BASP1: variants seen among roughly 807,000 people sequenced by gnomAD.
The protein encoded by BASP1 is brain abundant membrane attached signal protein 1, also known as brain acid soluble protein 1.
Under a neutral mutation model 2.2 loss-of-function variants are expected in BASP1, and 1 was observed. That is an observed-to-expected ratio of 0.46 (90% confidence interval 0.16 to 2.17). The LOEUF is 2.17. Ranked by LOEUF, BASP1 falls within the 30% of genes most tolerant of loss-of-function variation. BASP1 has a pLI of 0.27. For synonymous variants in BASP1, 187 were observed against 154.2 expected (o/e 1.21, Z -1.58); for missense variants, 352 against 327.2 (o/e 1.08, Z -0.58).
At chr5:17,220,427 A>C (rs1386330793) in intron 1 of BASP1, among the ~76,000 whole-genome samples, 1 of 151,602 alleles carries the variant, frequency 6.6e-6, no homozygotes, top group Non-Finnish European at 1.5e-5. Context: ...GCATGTCCCC[A>C]ATTCAGTAAA....
At chr5:17,217,071 T>TGTGAGTGAGAGAGA (rs1367601986), upstream of BASP1, 3 of 102,028 alleles carry the variant, frequency 2.9e-5, no homozygotes, top group African/African-American at 1.3e-4. Context: ...AGAGAGAGAG[T>TGTGAGTGAGAGAGA]GAGAGAGAGA....
intron 1 of BASP1, among the ~76,000 whole-genome samples, chr5:17,249,458 A>G (rs1310393559): frequency 1.3e-5 from 2 of 152,166 alleles, no homozygotes; most frequent in African/African-American, 4.8e-5. Context: ...CTGGTGAGGA[A>G]TTTCAGAAGC....
At chr5:17,259,935 G>T (rs1740283930) in intron 1 of BASP1, among the ~76,000 whole-genome samples, 1 of 152,166 alleles carries the variant, frequency 6.6e-6, no homozygotes, top group Non-Finnish European at 1.5e-5. Flanking sequence ...TAGTTGTGGT[G>T]ATATGATCTA....
intron 1 of BASP1, among the ~76,000 whole-genome samples, chr5:17,254,619 C>T (rs1740164230): frequency 6.6e-6 from 1 of 152,152 alleles, no homozygotes; most frequent in Non-Finnish European, 1.5e-5. Flanking sequence ...CATCATGGTG[C>T]TCAATACAGT....
rs1184060402 is a variant in BASP1 at position 17,236,251 on chromosome 5, T to C, written c.-10+18441T>C. Reference sequence around the variant, plus strand: ...ATTTGTAGGGATCTTGGGCAGGTTATCCAGAGAGCGAGTTTCTTTTCTTTT... The same window carrying C: ...ATTTGTAGGGATCTTGGGCAGGTTACCCAGAGAGCGAGTTTCTTTTCTTTT... On this transcript the variant is annotated intron_variant, in intron 1 of 1. Coordinates refer to ENST00000322611, the MANE Select transcript of BASP1 (RefSeq NM_006317.5). This position sits in a 1 kb window ranked among gnomAD's most constrained non-coding sequence, Gnocchi z 4.0. Among the ~76,000 whole-genome samples, 1 of 152,142 alleles carries C rather than the reference T, an allele frequency of 6.6e-6. No individual in the cohort carries two copies. Among genetic ancestry groups the C allele is most frequent in the African/African-American group, 2.4e-5 (1 of 41,434 alleles).
chr5:17,250,229 G>GAGCCACC (rs1317622770), intron 1 of BASP1, among the ~76,000 whole-genome samples: 1 of 152,172 alleles, frequency 6.6e-6, no homozygotes, highest in Non-Finnish European at 1.5e-5. Flanking sequence ...TGATAGGCGT[G>GAGCCACC]AGCCACCGCG....
At chr5:17,232,194 T>C (rs1358519497) in intron 1 of BASP1, among the ~76,000 whole-genome samples, 2 of 152,214 alleles carry the variant, frequency 1.3e-5, no homozygotes, top group African/African-American at 4.8e-5. Flanking sequence ...CAAATAGTAT[T>C]ACATTGTGGG....
chr5:17,221,090 A>G (rs1185600925), intron 1 of BASP1, among the ~76,000 whole-genome samples: 1 of 152,202 alleles, frequency 6.6e-6, no homozygotes, highest in African/African-American at 2.4e-5. Flanking sequence ...GTTGGTATAG[A>G]ATATTATTTT....
intron 1 of BASP1, among the ~76,000 whole-genome samples, chr5:17,250,325 A>C: frequency 6.6e-6 from 1 of 152,220 alleles, no homozygotes; most frequent in East Asian, 1.9e-4. Context: ...CTTCGTAAAA[A>C]GTGTGTTCTT....
At chr5:17,220,995 A>G (rs899858587) in intron 1 of BASP1, among the ~76,000 whole-genome samples, 2 of 152,124 alleles carry the variant, frequency 1.3e-5, no homozygotes, top group African/African-American at 4.8e-5. Flanking sequence ...TTTAAAAACA[A>G]GGTGTCATGT....
At chr5:17,226,050 C>G (rs1010162305) in intron 1 of BASP1, among the ~76,000 whole-genome samples, 1 of 152,144 alleles carries the variant, frequency 6.6e-6, no homozygotes, top group Non-Finnish European at 1.5e-5. Flanking sequence ...TTTGATGAGA[C>G]ACAATTTTAA....
intron 1 of BASP1, among the ~76,000 whole-genome samples, chr5:17,262,254 C>A (rs917258015): frequency 2.0e-5 from 3 of 152,246 alleles, no homozygotes; most frequent in African/African-American, 7.2e-5. Flanking sequence ...ATAATCTCAA[C>A]TGGACATTTC....
At chr5:17,228,825 C>T (rs7733967) in intron 1 of BASP1, among the ~76,000 whole-genome samples, 61,316 of 152,040 alleles carry the variant, frequency 0.4, 12,908 homozygotes, top group Non-Finnish European at 0.47. Context: ...ACGACTAAAG[C>T]GGGATTCTTT....
intron 1 of BASP1, among the ~76,000 whole-genome samples, chr5:17,252,431 A>G (rs1740121116): frequency 1.3e-5 from 2 of 152,198 alleles, no homozygotes; most frequent in Non-Finnish European, 1.5e-5. Context: ...GTGTAAAAAC[A>G]GGCTCAGAGG....
intron 1 of BASP1, among the ~76,000 whole-genome samples, chr5:17,257,452 A>G (rs971214754): frequency 1.2e-4 from 19 of 152,190 alleles, no homozygotes; most frequent in Non-Finnish European, 2.6e-4. Flanking sequence ...TTCTACATGA[A>G]TGGAGCTGGG....
Position 17,276,291 on chromosome 5 carries a change from C to T in BASP1, c.*391C>T, listed in dbSNP as rs1187646320. ...TGAGAGTTGAATAGCTTTTCTTCTGCAATGGGAGTTGGGAGTGATGCGTTT... is the reference window on the plus strand; with the variant it reads ...TGAGAGTTGAATAGCTTTTCTTCTGTAATGGGAGTTGGGAGTGATGCGTTT... On this transcript the variant is annotated 3_prime_UTR_variant, in exon 2 of 2. Coordinates refer to ENST00000322611, the MANE Select transcript of BASP1 (RefSeq NM_006317.5). 5.6e-6 allele frequency: 1 copy of T among 177,072 alleles called. No homozygotes were observed. The highest frequency in any genetic ancestry group is 1.3e-5 in the Non-Finnish European group (1 of 74,970). The allele number at this position is 177,072 out of a possible 1,614,324, so 11.0% of individuals were successfully genotyped here.
intron 1 of BASP1, among the ~76,000 whole-genome samples, chr5:17,248,037 T>G (rs1740029669): frequency 6.6e-6 from 1 of 152,210 alleles, no homozygotes; most frequent in Non-Finnish European, 1.5e-5. Flanking sequence ...CTCAGTTGCT[T>G]GTCATCATTT....
At chr5:17,255,397 G>GTT (rs1007533162) in intron 1 of BASP1, among the ~76,000 whole-genome samples, 2 of 151,502 alleles carry the variant, frequency 1.3e-5, no homozygotes, top group Non-Finnish European at 2.9e-5. Flanking sequence ...AGTTCACTAG[G>GTT]TTTTTTTTTC....
chr5:17,240,394 G>A (rs1426890541), intron 1 of BASP1, among the ~76,000 whole-genome samples: 3 of 152,102 alleles, frequency 2.0e-5, no homozygotes, highest in Non-Finnish European at 2.9e-5. Context: ...AAATTAGCTG[G>A]GCGTGGTGGC....
Sources: allele counts gnomAD v4.1 joint callset (sites outside exome capture counted in the v4.1 genomes callset), GRCh38; gene constraint gnomAD v4.1.1; non-coding constraint Gnocchi (gnomAD v3.1); transcripts MANE v1.5; gene names NCBI Gene and HGNC (gene_info 2026-07-23, HGNC 2026-07-21).